RBFOX1: variants seen among roughly 807,000 people sequenced by gnomAD.
RBFOX1 encodes RNA binding protein fox-1 homolog 1.
In RBFOX1, 8 loss-of-function variants were observed where a neutral mutation model predicts 57.7. The observed-to-expected ratio is 0.14, with a 90% CI of 0.08 to 0.25. The LOEUF (loss-of-function observed/expected upper bound fraction) is 0.25. Ranked by LOEUF, RBFOX1 falls within the 10% of genes least tolerant of loss-of-function variation. RBFOX1 has a pLI of 1.00. For synonymous variants in RBFOX1, 326 were observed against 222.4 expected, an observed-to-expected ratio of 1.47 and a Z score of -4.15; for missense variants, 611 against 548.5, an observed-to-expected ratio of 1.11 and a Z score of -1.14.
At chr16:7,282,353 A>C (rs1219892271) in intron 4 of RBFOX1, among the ~76,000 whole-genome samples, 2 of 152,242 alleles carry the variant, frequency 1.3e-5, no homozygotes, top group African/African-American at 4.8e-5. Context: ...ACAGGGTCTT[A>C]GGAATTCTTT....
intron 1 of RBFOX1, among the ~76,000 whole-genome samples, chr16:6,066,443 C>G (rs532450939): frequency 3.6e-4 from 55 of 152,028 alleles, no homozygotes; most frequent in African/African-American, 1.3e-3. Flanking sequence ...AGGGAAAAAC[C>G]CTTTGTTCAG....
chr16:7,063,019 G>A (rs6500914), intron 4 of RBFOX1, among the ~76,000 whole-genome samples: 109,491 of 150,474 alleles, frequency 0.73, 40,213 homozygotes, highest in East Asian at 0.91. Context: ...GAGAACTGCA[G>A]AGCCAAGAGT....
At chr16:6,254,684 T>C (rs1240833764) in intron 1 of RBFOX1, among the ~76,000 whole-genome samples, 1 of 152,212 alleles carries the variant, frequency 6.6e-6, no homozygotes, top group Non-Finnish European at 1.5e-5. Flanking sequence ...CAATACAAAA[T>C]GTTAAAACTG....
chr16:5,445,288 T>C (rs1334019210), intron 1 of RBFOX1, among the ~76,000 whole-genome samples: 1 of 152,172 alleles, frequency 6.6e-6, no homozygotes. Flanking sequence ...AGGTGACTTA[T>C]CTTTCTGACT....
At chr16:5,392,457 A>C (rs1388209338) in intron 1 of RBFOX1, among the ~76,000 whole-genome samples, 1 of 151,948 alleles carries the variant, frequency 6.6e-6, no homozygotes, top group South Asian at 2.1e-4. Context: ...AATTCTAAAC[A>C]TAACATTTTA....
chr16:6,008,394 C>T (rs756628157), intron 4 of RBFOX1, among the ~76,000 whole-genome samples: 1 of 151,898 alleles, frequency 6.6e-6, no homozygotes, highest in Non-Finnish European at 1.5e-5. Context: ...TGCACATGGG[C>T]ACGGCATGAA....
chr16:6,676,673 C>CTTTTTTTTTTTTTTTTTTTTTTTTTTTT (rs756578276), intron 3 of RBFOX1, among the ~76,000 whole-genome samples: 9 of 103,552 alleles, frequency 8.7e-5, no homozygotes, highest in African/African-American at 1.4e-4. Flanking sequence ...TTTTTCTTTT[C>CTTTTTTTTTTTTTTTTTTTTTTTTTTTT]TTTTTTTTTT....
At chr16:6,103,230 T>A (rs1296975162) in intron 1 of RBFOX1, among the ~76,000 whole-genome samples, 1 of 152,152 alleles carries the variant, frequency 6.6e-6, no homozygotes, top group Non-Finnish European at 1.5e-5. Flanking sequence ...CCCTGTGGGT[T>A]TAATTCTGTC....
intron 3 of RBFOX1, among the ~76,000 whole-genome samples, chr16:5,643,063 C>G (rs1354644486): frequency 2.0e-5 from 3 of 152,178 alleles, no homozygotes; most frequent in Non-Finnish European, 4.4e-5. Flanking sequence ...TCTTGCTCCT[C>G]CAGATTGTGG....
At chr16:5,621,786 G>A (rs1183347543) in intron 3 of RBFOX1, among the ~76,000 whole-genome samples, 1 of 152,160 alleles carries the variant, frequency 6.6e-6, no homozygotes, top group Non-Finnish European at 1.5e-5. Context: ...AAACCATCAT[G>A]TGGGTACTGT....
At chr16:6,802,479 C>T (rs192826935) in intron 3 of RBFOX1, among the ~76,000 whole-genome samples, 9 of 152,102 alleles carry the variant, frequency 5.9e-5, no homozygotes, top group Admixed American at 1.3e-4. Context: ...GAGTTTGAGA[C>T]CAGCCTGACC....
At chr16:6,930,622 C>T (rs1377958364) in intron 3 of RBFOX1, among the ~76,000 whole-genome samples, 1 of 152,120 alleles carries the variant, frequency 6.6e-6, no homozygotes, top group African/African-American at 2.4e-5. Flanking sequence ...GTTGGCCAGG[C>T]TGGTCTTGAG....
chr16:7,683,141 G>A (rs995697143), intron 14 of RBFOX1, among the ~76,000 whole-genome samples: 4 of 146,188 alleles, frequency 2.7e-5, no homozygotes, highest in African/African-American at 1.0e-4. Context: ...TGTCACTGAT[G>A]TATGGAGATG....
At chr16:6,963,770 C>T (rs1252529340) in intron 3 of RBFOX1, among the ~76,000 whole-genome samples, 2 of 152,000 alleles carry the variant, frequency 1.3e-5, no homozygotes, top group African/African-American at 4.8e-5. Flanking sequence ...GCGATCTCGG[C>T]TCACTGCAAG....
intron 3 of RBFOX1, among the ~76,000 whole-genome samples, chr16:5,624,023 C>G (rs916055405): frequency 2.0e-5 from 3 of 152,166 alleles, no homozygotes; most frequent in African/African-American, 7.2e-5. Flanking sequence ...TTGATCCTTA[C>G]AGAACTGAGA....
intron 4 of RBFOX1, among the ~76,000 whole-genome samples, chr16:7,371,472 A>T (rs898259056): frequency 6.6e-6 from 1 of 152,218 alleles, no homozygotes; most frequent in Non-Finnish European, 1.5e-5. Flanking sequence ...ATATATGGCC[A>T]GGTGCGGTGG....
intron 4 of RBFOX1, among the ~76,000 whole-genome samples, chr16:7,091,085 C>G (rs74008725): frequency 0.015 from 2,304 of 152,296 alleles, 62 homozygotes; most frequent in African/African-American, 0.053. Context: ...CGCTTAAACT[C>G]TACTACAATA....
chr16:7,502,071 G>A lies in RBFOX1; in HGVS notation c.28-16076G>A, dbSNP rs544386994. Among the ~76,000 whole-genome samples the A allele has an allele frequency of 5.3e-5, 8 of 151,978 alleles. No homozygotes were observed. In the South Asian group the frequency reaches 6.2e-4, roughly 12 times the overall value. ...TCCTAATTTCATTTCTTCCAAGTCC[G>A]ACTATCATTCATTTTATGACAGCCT... is the stretch of plus-strand genomic sequence containing the variant. On this transcript the variant is annotated intron_variant, in intron 4 of 15. Coordinates refer to ENST00000550418, the MANE Select transcript of RBFOX1 (RefSeq NM_018723.4).
intron 4 of RBFOX1, among the ~76,000 whole-genome samples, chr16:5,915,123 C>G (rs1052072887): frequency 2.6e-5 from 4 of 152,148 alleles, no homozygotes; most frequent in African/African-American, 9.7e-5. Context: ...AGAGGCTGCT[C>G]ATTCCACTAC....
Sources: allele counts gnomAD v4.1 joint callset (sites outside exome capture counted in the v4.1 genomes callset), GRCh38; gene constraint gnomAD v4.1.1; transcripts MANE v1.5; gene names NCBI Gene and HGNC (gene_info 2026-07-23, HGNC 2026-07-21).